The following SIRT4 variants were observed in gnomAD, a reference collection of about 807,000 sequenced individuals.
SIRT4 encodes NAD-dependent protein lipoamidase sirtuin-4, mitochondrial.
A neutral mutation model predicts 26.1 loss-of-function variants in SIRT4; 23 were observed. The ratio of observed to expected loss-of-function variants is 0.88; its 90% CI spans 0.63 to 1.25. The LOEUF (loss-of-function observed/expected upper bound fraction) is 1.25. Ranked by LOEUF, SIRT4 falls within the 50% of genes most tolerant of loss-of-function variation. The pLI is 0.00. For missense variants in SIRT4, 361 were observed against 405.4 expected, an observed-to-expected ratio of 0.89 and a Z score of 0.94; for synonymous variants, 155 against 158.4, an observed-to-expected ratio of 0.98 and a Z score of 0.16.
Position 120,303,902 on chromosome 12 carries a change from C to G in SIRT4, c.341C>G (p.Pro114Arg). ...TGGGCGAGAAACTTCGTAGGCTGGCCTCAATTCTCCTCCCACCAGCCTAAC... is the reference window on the plus strand; with the variant it reads ...TGGGCGAGAAACTTCGTAGGCTGGCGTCAATTCTCCTCCCACCAGCCTAAC... ...RYWARNFVGWPQFSSHQPNPA... is the reference protein window; with the variant it reads ...RYWARNFVGWRQFSSHQPNPA... The change falls in exon 2 of 4, where the codon CCT becomes CGT. Residue 114 changes from proline (P) to arginine (R), a missense_variant. Pro to Arg is a moderately radical substitution (Grantham distance 103). Transcript: ENST00000202967. The G allele has an allele frequency of 6.2e-7, 1 of 1,614,194 alleles. No homozygotes were observed.
upstream of SIRT4, among the ~76,000 whole-genome samples, chr12:120,298,842 G>T (rs1872431986): frequency 6.6e-6 from 1 of 151,376 alleles, no homozygotes; most frequent in Non-Finnish European, 1.5e-5. Context: ...GGGAGGCGGA[G>T]GTTGCAGTGA....
At chr12:120,293,075 G>C in the SIRT4 span, 4 of 90,304 alleles carry the variant, frequency 4.4e-5, no homozygotes, top group Admixed American at 1.1e-4. Context: ...AGCCTCTGTT[G>C]TTCAACTGCA....
Position 120,312,736 on chromosome 12 carries a change from G to T in SIRT4, c.778G>T (p.Gly260Ter). ...AGAAGCCGACTCCCTCTTGGTGGTG[G>T]GATCATCCTTGCAGGTATCTGACTT... ...VKEADSLLVV[G>*]SSLQVYSGYR... Residue 260 changes from glycine to a stop codon, truncating the protein, a stop_gained, in exon 3 of 4, where the codon GGA (glycine) becomes TGA (stop). Coordinates refer to ENST00000202967, the MANE Select transcript of SIRT4 (RefSeq NM_012240.3). LOFTEE classifies it high-confidence loss of function. The T allele has an allele frequency of 6.2e-7, 1 of 1,613,312 alleles. No homozygotes were observed. The highest frequency in any genetic ancestry group is 8.5e-7 in the Non-Finnish European group (1 of 1,179,604).
In SIRT4 at chr12:120,303,633, C is replaced by G. The variant is rs746032708; in HGVS notation, c.72C>G (p.Cys24Trp). 1 of 1,614,130 alleles carries G rather than the reference C, an allele frequency of 6.2e-7. No individual in the cohort carries two copies. The highest frequency in any genetic ancestry group is 1.7e-5 in the Admixed American group (1 of 59,982). Reference sequence around the variant, plus strand: ...GGATCGCAAACCCCAGCCAGCCGTGCTCGAAAGCCTCCATTGGGTTATTTG... The same window carrying G: ...GGATCGCAAACCCCAGCCAGCCGTGGTCGAAAGCCTCCATTGGGTTATTTG... ...GRWIANPSQPCSKASIGLFVP... is the reference protein window; with the variant it reads ...GRWIANPSQPWSKASIGLFVP... Residue 24 changes from cysteine (C) to tryptophan (W), a missense_variant, in exon 2 of 4, where the codon TGC becomes TGG. By Grantham distance (215) the Cys-to-Trp change is radical (BLOSUM62 -2). Coordinates refer to ENST00000202967, the MANE Select transcript of SIRT4 (RefSeq NM_012240.3).
At chr12:120,308,313 G>A (rs1269037735) in intron 2 of SIRT4, among the ~76,000 whole-genome samples, 1 of 151,872 alleles carries the variant, frequency 6.6e-6, no homozygotes, top group Non-Finnish European at 1.5e-5. Flanking sequence ...GGGATTACAG[G>A]TGCCTGCCAC....
upstream of SIRT4, among the ~76,000 whole-genome samples, chr12:120,297,411 G>C (rs188752653): frequency 2.9e-3 from 426 of 148,524 alleles, no homozygotes; most frequent in Non-Finnish European, 4.4e-3. Flanking sequence ...CCTAGCCCTT[G>C]AGAATTCTAG....
the SIRT4 span, chr12:120,293,326 T>C: frequency 6.6e-6 from 1 of 152,234 alleles, no homozygotes; most frequent in East Asian, 1.9e-4. Flanking sequence ...AAATCTTCAC[T>C]TATTGCTTGC....
chr12:120,294,023 A>G, the SIRT4 span, among the ~76,000 whole-genome samples: 26 of 7,992 alleles, frequency 3.3e-3, 1 homozygote, highest in African/African-American at 0.011. Flanking sequence ...TTTTTTTGAG[A>G]TGGAGTTTTT....
chr12:120,300,000 G>A (rs1179462932), upstream of SIRT4, among the ~76,000 whole-genome samples: 1 of 152,116 alleles, frequency 6.6e-6, no homozygotes, highest in Non-Finnish European at 1.5e-5. Flanking sequence ...GTCGAAATAA[G>A]CAGGCCCGGC....
upstream of SIRT4, among the ~76,000 whole-genome samples, chr12:120,302,147 G>T (rs1020786399): frequency 6.6e-6 from 1 of 150,840 alleles, no homozygotes; most frequent in Non-Finnish European, 1.5e-5. Flanking sequence ...TGAAAACAAA[G>T]AAAAAAATCC....
chr12:120,291,860 T>G, the SIRT4 span: 1 of 152,116 alleles, frequency 6.6e-6, no homozygotes, highest in African/African-American at 2.4e-5. Flanking sequence ...TAATCGCGCC[T>G]CGGATAAACC....
intron 1 of SIRT4, among the ~76,000 whole-genome samples, chr12:120,302,720 C>CTT (rs901345647): frequency 2.3e-4 from 32 of 136,816 alleles, no homozygotes; most frequent in South Asian, 9.5e-4. Flanking sequence ...TTTTCTTTTT[C>CTT]TTTTTTTTTT....
intron 2 of SIRT4, among the ~76,000 whole-genome samples, chr12:120,304,931 A>G (rs1872696429): frequency 6.7e-6 from 1 of 149,468 alleles, no homozygotes; most frequent in East Asian, 2.0e-4. Flanking sequence ...AGGCAGGCAG[A>G]TTACCTGAGG....
chr12:120,309,413 C>CTTT (rs1217829590), intron 2 of SIRT4, among the ~76,000 whole-genome samples: 3 of 135,648 alleles, frequency 2.2e-5, no homozygotes, highest in African/African-American at 5.4e-5. Flanking sequence ...TTTTTCTTTT[C>CTTT]TTTTTTTTTT....
At chr12:120,309,110 C>T (rs574629469) in intron 2 of SIRT4, among the ~76,000 whole-genome samples, 34 of 151,930 alleles carry the variant, frequency 2.2e-4, no homozygotes, top group Non-Finnish European at 4.3e-4. Context: ...ACCTGGGAGG[C>T]GGAGGTTGCG....
intron 2 of SIRT4, among the ~76,000 whole-genome samples, chr12:120,307,357 C>A (rs372276763): frequency 5.9e-5 from 9 of 151,668 alleles, no homozygotes; most frequent in African/African-American, 1.5e-4. Context: ...GGCGTGGTGG[C>A]GGGCGCCTAT....
At chr12:120,293,668 C>T in the SIRT4 span, among the ~76,000 whole-genome samples, 1 of 152,118 alleles carries the variant, frequency 6.6e-6, no homozygotes, top group South Asian at 2.1e-4. Flanking sequence ...AATTCACTGG[C>T]ATAGAATATG....
the SIRT4 span, among the ~76,000 whole-genome samples, chr12:120,297,228 A>AC: frequency 3.9e-4 from 54 of 139,116 alleles, no homozygotes; most frequent in East Asian, 9.1e-3. Flanking sequence ...GTCTCAAAAT[A>AC]AATAAATACA....
the SIRT4 span, among the ~76,000 whole-genome samples, chr12:120,296,143 A>G: frequency 2.0e-5 from 3 of 151,124 alleles, no homozygotes; most frequent in South Asian, 2.1e-4. Context: ...ACATTTTATC[A>G]TAAAAAATTG....
Sources: gnomAD v4.1 joint callset for allele counts (sites outside exome capture counted in the v4.1 genomes callset) on GRCh38, gnomAD v4.1.1 for gene constraint, MANE v1.5 for transcripts, NCBI Gene and HGNC (gene_info 2026-07-23, HGNC 2026-07-21) for gene names.